The following CD2AP variants were observed in gnomAD, a reference collection of about 807,000 sequenced individuals.
CD2AP encodes the protein CD2 associated protein, also known as CD2-associated protein.
CD2AP carries 46 observed loss-of-function variants against 85.1 expected under a neutral mutation model. The ratio of observed to expected loss-of-function variants is 0.54; its 90% CI spans 0.43 to 0.69. The LOEUF (loss-of-function observed/expected upper bound fraction) is 0.69, where lower values mean the gene tolerates loss of function less well. CD2AP is among the 30% of genes least tolerant of loss of function. CD2AP has a pLI of 0.00. For missense variants in CD2AP, 769 were observed against 729.5 expected, an observed-to-expected ratio of 1.05 and a Z score of -0.62; for synonymous variants, 255 against 252.9, an observed-to-expected ratio of 1.01 and a Z score of -0.08.
At chr6:47,498,836 A>T (rs934296507) in intron 1 of CD2AP, among the ~76,000 whole-genome samples, 6 of 152,066 alleles carry the variant, frequency 3.9e-5, no homozygotes, top group African/African-American at 7.2e-5. Flanking sequence ...AGTACAAATC[A>T]TTTTTTTCCT....
At chr6:47,573,712 A>G (rs894480845) in intron 5 of CD2AP, among the ~76,000 whole-genome samples, 1 of 151,834 alleles carries the variant, frequency 6.6e-6, no homozygotes, top group African/African-American at 2.4e-5. Flanking sequence ...AATGGTCTCG[A>G]TCTCCTGACC....
At chr6:47,589,551 T>TACACACACACAC (rs112763182) in intron 11 of CD2AP, among the ~76,000 whole-genome samples, 2 of 130,888 alleles carry the variant, frequency 1.5e-5, no homozygotes, top group South Asian at 5.2e-4. Flanking sequence ...CACATATATA[T>TACACACACACAC]ACACACACAC....
chr6:47,571,829 A>C (rs1768162367), intron 5 of CD2AP, among the ~76,000 whole-genome samples: 1 of 152,138 alleles, frequency 6.6e-6, no homozygotes, highest in Admixed American at 6.5e-5. Context: ...AGTGGGGCTA[A>C]ATTAGCCTTA....
chr6:47,554,569 C>A, intron 4 of CD2AP, 77 bp from the exon 5 acceptor site: 2 of 1,508,316 alleles, frequency 1.3e-6, no homozygotes, highest in South Asian at 1.2e-5. Context: ...TTTGCTTTTG[C>A]AGCTTAATTT....
chr6:47,584,995 C>A (rs1226570509), intron 11 of CD2AP, among the ~76,000 whole-genome samples: 1 of 151,966 alleles, frequency 6.6e-6, no homozygotes, highest in Non-Finnish European at 1.5e-5. Flanking sequence ...GTCAGTTGTT[C>A]TTATAAATAA....
At chr6:47,528,999 G>T (rs546858940) in intron 2 of CD2AP, among the ~76,000 whole-genome samples, 46 of 152,198 alleles carry the variant, frequency 3.0e-4, no homozygotes, top group Admixed American at 2.4e-3. Flanking sequence ...GGCAACATCT[G>T]AGCAGTTGCC....
chr6:47,613,192 T>C (rs183588342), intron 17 of CD2AP, among the ~76,000 whole-genome samples: 1 of 152,346 alleles, frequency 6.6e-6, no homozygotes, highest in East Asian at 1.9e-4. Flanking sequence ...TTCCAAAATA[T>C]TGACATTTTG....
In CD2AP at chr6:47,589,565, C is replaced by CATATATATATATATATATATAT. The variant is rs1554182282; in HGVS notation, c.1109-6280_1109-6279insATATATATATATATATATATAT. Among the ~76,000 whole-genome samples the CATATATATATATATATATATAT allele has an allele frequency of 1.5e-3, 177 of 120,970 alleles. 2 individuals are homozygous for CATATATATATATATATATATAT. Among genetic ancestry groups the CATATATATATATATATATATAT allele is most frequent in the Non-Finnish European group, 1.9e-3 (105 of 55,568 alleles). 79.4% of individuals were successfully genotyped at this position (120,970 alleles called of 152,430 possible). On this transcript the variant is annotated intron_variant, in intron 11 of 17. Coordinates refer to ENST00000359314, the MANE Select transcript of CD2AP (RefSeq NM_012120.3). ...ACACATATATATACACACACACACACATATATATATATATATTTGTCAGAG... is the reference window on the plus strand; with the variant it reads ...ACACATATATATACACACACACACACATATATATATATATATATATATATATATATATATATATTTGTCAGAG...
chr6:47,609,527 A>AAAAAAAAGAAAAG (rs1554183679), intron 16 of CD2AP: 1 of 366,196 alleles, frequency 2.7e-6, no homozygotes, highest in Non-Finnish European at 4.9e-6. Flanking sequence ...AAAAAAAAAA[A>AAAAAAAAGAAAAG]AAAAGAAAAG....
Position 47,609,281 on chromosome 6 carries a change from A to G in CD2AP, c.1791A>G (p.Val597=). The G allele has an allele frequency of 6.2e-7, 1 of 1,613,494 alleles. No homozygotes were observed. Among genetic ancestry groups the G allele is most frequent in the Non-Finnish European group, 8.5e-7 (1 of 1,179,638 alleles). Residue 597 remains valine, a synonymous_variant, in exon 16 of 18, where the codon GTA becomes GTG. Coordinates refer to ENST00000359314, the MANE Select transcript of CD2AP (RefSeq NM_012120.3). The stretch of plus-strand genomic sequence containing the variant: ...AGATTATTGAATTGTTGTGCATTGT[A>G]GAAGCACTGAAAAAGGATCACGGGT... The part of the protein sequence containing the change: ...RAQIIELLCI[V]EALKKDHGKE...
At chr6:47,545,788 G>A (rs1334412092) in intron 4 of CD2AP, among the ~76,000 whole-genome samples, 1 of 152,120 alleles carries the variant, frequency 6.6e-6, no homozygotes, top group African/African-American at 2.4e-5. Flanking sequence ...CTCTCAGGAA[G>A]CCACATCCCT....
chr6:47,605,240 TGGGGTAAA>T (rs1769238562), intron 13 of CD2AP, among the ~76,000 whole-genome samples: 1 of 152,020 alleles, frequency 6.6e-6, no homozygotes, highest in East Asian at 1.9e-4. Flanking sequence ...GTTTGGAATC[TGGGGTAAA>T]GGAAGGTTAT....
At chr6:47,621,586 C>G (rs1769747518) in intron 17 of CD2AP, among the ~76,000 whole-genome samples, 1 of 152,146 alleles carries the variant, frequency 6.6e-6, no homozygotes. Flanking sequence ...TTCCTTCTTT[C>G]TCTATCTTGT....
At chr6:47,497,085 T>C (rs991050109) in intron 1 of CD2AP, among the ~76,000 whole-genome samples, 1 of 152,164 alleles carries the variant, frequency 6.6e-6, no homozygotes, top group Non-Finnish European at 1.5e-5. Context: ...TTTGTTTTGC[T>C]GTACGATAAT....
chr6:47,508,429 A>T (rs999938114), intron 2 of CD2AP, among the ~76,000 whole-genome samples: 2 of 151,738 alleles, frequency 1.3e-5, no homozygotes, highest in African/African-American at 4.8e-5. Context: ...ACCTCTCTGT[A>T]TTCAGTGAGT....
At chr6:47,519,461 G>A (rs1434237274) in intron 2 of CD2AP, among the ~76,000 whole-genome samples, 1 of 152,156 alleles carries the variant, frequency 6.6e-6, no homozygotes, top group African/African-American at 2.4e-5. Context: ...AGGATGTGTA[G>A]ACCTCTGTTT....
intron 1 of CD2AP, among the ~76,000 whole-genome samples, chr6:47,481,471 C>T (rs1299281145): frequency 1.3e-5 from 2 of 152,048 alleles, no homozygotes; most frequent in Non-Finnish European, 2.9e-5. Context: ...TCATCCTCCT[C>T]AGTAGCTGGG....
intron 17 of CD2AP, among the ~76,000 whole-genome samples, chr6:47,617,674 T>C (rs7748170): frequency 1.7e-4 from 26 of 152,218 alleles, no homozygotes; most frequent in African/African-American, 4.3e-4. Flanking sequence ...ACTGTATCTG[T>C]CTTGTTCTGA....
intron 14 of CD2AP, 101 bp from the exon 15 acceptor site, chr6:47,607,826 G>T: frequency 1.3e-6 from 1 of 745,370 alleles, no homozygotes. Context: ...AACAGTAGCA[G>T]CTGAAAATCC....
Sources: gnomAD v4.1 joint callset for allele counts (sites outside exome capture counted in the v4.1 genomes callset) on GRCh38, gnomAD v4.1.1 for gene constraint, MANE v1.5 for transcripts, NCBI Gene and HGNC (gene_info 2026-07-23, HGNC 2026-07-21) for gene names.